SVIL: variants seen among roughly 807,000 people sequenced by gnomAD.
SVIL encodes the protein archvillin.
SVIL carries 101 observed loss-of-function variants against 240.4 expected under a neutral mutation model. The ratio of observed to expected loss-of-function variants is 0.42; its 90% CI spans 0.36 to 0.50. The LOEUF is 0.50. Ranked by LOEUF, SVIL falls within the 20% of genes least tolerant of loss-of-function variation. The pLI, the probability that SVIL is intolerant of heterozygous loss-of-function variation, is 0.01. For synonymous variants in SVIL, 999 were observed against 1,100.0 expected (o/e 0.91, Z 1.82); for missense variants, 2,512 against 2,818.7 (o/e 0.89, Z 2.46).
chr10:29,506,878 CA>C (rs553895162), intron 17 of SVIL, among the ~76,000 whole-genome samples: 114 of 152,114 alleles, frequency 7.5e-4, no homozygotes, highest in African/African-American at 2.7e-3. Context: ...AGTGATGGGG[CA>C]AAGCCCGGCA....
intron 3 of SVIL, among the ~76,000 whole-genome samples, chr10:29,655,874 G>GTTTTTTTTTTTTTTTTTTTTTTTT: frequency 7.3e-6 from 1 of 136,260 alleles, no homozygotes; most frequent in South Asian, 2.3e-4. Flanking sequence ...GTATGTGTGG[G>GTTTTTTTTTTTTTTTTTTTTTTTT]TTTTTTTTTT....
chr10:29,725,296 G>A (rs183136132), intron 1 of SVIL, among the ~76,000 whole-genome samples: 18 of 152,124 alleles, frequency 1.2e-4, no homozygotes, highest in Admixed American at 3.3e-4. Context: ...GCAGGATCTC[G>A]TGTCCCCTTT....
At chr10:29,468,643 T>C (rs9665731) in intron 32 of SVIL, among the ~76,000 whole-genome samples, 1 of 151,320 alleles carries the variant, frequency 6.6e-6, no homozygotes, top group South Asian at 2.1e-4. Context: ...TATACATATA[T>C]ATATACATGT....
chr10:29,531,430 G>T, intron 9 of SVIL, 142 bp from the exon 10 acceptor site: 1 of 809,438 alleles, frequency 1.2e-6, no homozygotes, highest in Non-Finnish European at 2.0e-6. Flanking sequence ...TTCTAGTTGT[G>T]AAAACACACA....
intron 34 of SVIL, 56 bp from the exon 35 acceptor site, chr10:29,463,691 G>T: frequency 6.3e-7 from 1 of 1,587,954 alleles, no homozygotes. Flanking sequence ...GACACTTCTA[G>T]CTCACTCCTC....
intron 36 of SVIL, among the ~76,000 whole-genome samples, chr10:29,461,259 C>G (rs750165478): frequency 3.3e-5 from 5 of 152,200 alleles, no homozygotes; most frequent in Non-Finnish European, 5.9e-5. Flanking sequence ...AGCCATAGAG[C>G]TCGTAATCCC....
chr10:29,552,928 C>T (rs754324792), intron 5 of SVIL, among the ~76,000 whole-genome samples: 4 of 152,004 alleles, frequency 2.6e-5, no homozygotes, highest in African/African-American at 4.8e-5. Flanking sequence ...GGGTACACTA[C>T]GGTTTATTTC....
At chr10:29,642,436 A>G (rs995248612) in intron 3 of SVIL, among the ~76,000 whole-genome samples, 16 of 123,988 alleles carry the variant, frequency 1.3e-4, no homozygotes, top group Non-Finnish European at 2.4e-4. Context: ...AGAAAGAAAG[A>G]AAGAAAGAAA....
rs573735109 is a variant in SVIL, at chr10:29,608,248, A to G, written c.-201+26172T>C. Reference sequence around the variant, plus strand: ...CAAGGCAGTGGAAGTGGGGTTGGCAATTACCTCTGCTGCAAAGTCCTCTGG... The same window carrying G: ...CAAGGCAGTGGAAGTGGGGTTGGCAGTTACCTCTGCTGCAAAGTCCTCTGG... On this transcript the variant is annotated intron_variant, in intron 1 of 37. Coordinates refer to ENST00000355867, the MANE Select transcript of SVIL (RefSeq NM_021738.3). 6.6e-5 allele frequency among the ~76,000 whole-genome samples: 10 copies of G among 152,324 alleles called. No homozygotes were observed. The East Asian group carries it at 1.7e-3, about 26-fold the overall frequency.
chr10:29,570,949 C>A (rs767695302), intron 1 of SVIL, among the ~76,000 whole-genome samples: 1 of 152,322 alleles, frequency 6.6e-6, no homozygotes, highest in East Asian at 1.9e-4. Flanking sequence ...AAGTGCATTT[C>A]GTATTTATCT....
At chr10:29,522,685 C>A in intron 15 of SVIL, 50 bp from the exon 16 acceptor site, 1 of 1,576,196 alleles carries the variant, frequency 6.3e-7, no homozygotes, top group Non-Finnish European at 8.6e-7. Flanking sequence ...GGCAAACATT[C>A]TTCCAGCGAT....
intron 16 of SVIL, among the ~76,000 whole-genome samples, chr10:29,516,811 G>A (rs1317869657): frequency 2.6e-5 from 4 of 152,210 alleles, no homozygotes; most frequent in African/African-American, 9.6e-5. Flanking sequence ...AGCCCACACT[G>A]TTCCAGCAGG....
At chr10:29,698,585 T>C (rs1400339797) in intron 1 of SVIL, among the ~76,000 whole-genome samples, 1 of 150,682 alleles carries the variant, frequency 6.6e-6, no homozygotes, top group Non-Finnish European at 1.5e-5. Flanking sequence ...AAACTTTCCA[T>C]TTTATTCAAG....
intron 6 of SVIL, among the ~76,000 whole-genome samples, chr10:29,538,538 T>C (rs1440368711): frequency 3.3e-5 from 5 of 152,250 alleles, no homozygotes; most frequent in Non-Finnish European, 7.3e-5. Context: ...GTTCTTCTCC[T>C]GGGCCGGTGG....
rs551015818 is a variant in SVIL at position 29,549,167 on chromosome 10, C to CAAA, written c.827+1427_827+1429dup. 6.6e-3 allele frequency among the ~76,000 whole-genome samples: 704 copies of CAAA among 105,940 alleles called. 8 individuals carry two copies. Among genetic ancestry groups the CAAA allele is most frequent in the African/African-American group, 0.025 (639 of 25,452 alleles). 69.5% of individuals were successfully genotyped at this position (105,940 alleles called of 152,430 possible). On this transcript the variant is annotated intron_variant, in intron 6 of 37. Coordinates refer to ENST00000355867, the MANE Select transcript of SVIL (RefSeq NM_021738.3). ...TCTACAATGAACTCAAACAAATTTA[C>CAAA]AAAAAAAAAAACAAACAAACAACCC...
Position 29,471,213 on chromosome 10 carries a change from A to G in SVIL, c.5560T>C (p.Cys1854Arg), listed in dbSNP as rs773774928. The G allele has an allele frequency of 1.5e-5, 25 of 1,613,090 alleles. No individual in the cohort carries two copies. Among genetic ancestry groups the G allele is most frequent in the Middle Eastern group, 1.6e-4 (1 of 6,082 alleles). ...VQVLQGKEPPCFLQCFQGGMV... is the reference protein window; with the variant it reads ...VQVLQGKEPPRFLQCFQGGMV... ...CCCCCCTGGAAACACTGCAGGAAAC[A>G]GGGGGGCTCCTTTCCCTGGAGAACC... Residue 1854 changes from cysteine (C) to arginine (R), a missense_variant, in exon 31 of 38, where the codon TGT becomes CGT. By Grantham distance (180) the Cys-to-Arg change is radical (BLOSUM62 -3). Around this residue, in one of 3 missense-constraint regions of SVIL, gnomAD observed 797 missense variants for 925.3 expected, o/e 0.86. Coordinates refer to ENST00000355867, the MANE Select transcript of SVIL (RefSeq NM_021738.3).
At chr10:29,557,713 C>A (rs1954066592) in intron 3 of SVIL, among the ~76,000 whole-genome samples, 1 of 152,192 alleles carries the variant, frequency 6.6e-6, no homozygotes, top group African/African-American at 2.4e-5. Context: ...ACTGTGCAAG[C>A]CTCCTGTCCA....
At chr10:29,566,024 T>C (rs2132707010) in intron 2 of SVIL, among the ~76,000 whole-genome samples, 1 of 152,322 alleles carries the variant, frequency 6.6e-6, no homozygotes, top group South Asian at 2.1e-4. Context: ...GTACCTTTTA[T>C]GCAAAGTTGA....
At chr10:29,618,262 T>C (rs2132900544) in intron 1 of SVIL, among the ~76,000 whole-genome samples, 1 of 152,336 alleles carries the variant, frequency 6.6e-6, no homozygotes, top group East Asian at 1.9e-4. Flanking sequence ...AACTCGTAAT[T>C]TTTGGGAAAG....
Sources: allele counts gnomAD v4.1 joint callset (sites outside exome capture counted in the v4.1 genomes callset), GRCh38; gene constraint gnomAD v4.1.1; regional missense constraint gnomAD v4.1.1; transcripts MANE v1.5; gene names NCBI Gene and HGNC (gene_info 2026-07-23, HGNC 2026-07-21).